OIT3: variants seen among roughly 807,000 people sequenced by gnomAD.
The protein encoded by OIT3 is oncoprotein-induced transcript 3 protein.
A neutral mutation model predicts 52.2 loss-of-function variants in OIT3; 41 were observed. The ratio of observed to expected loss-of-function variants is 0.79; its 90% CI spans 0.61 to 1.02. The LOEUF (loss-of-function observed/expected upper bound fraction) is 1.02. OIT3 is among the 50% of genes least tolerant of loss of function. OIT3 has a pLI of 0.00. For missense variants in OIT3, 634 were observed against 715.5 expected (o/e 0.89, Z 1.30); for synonymous variants, 244 against 276.9 (o/e 0.88, Z 1.18).
intron 3 of OIT3, among the ~76,000 whole-genome samples, chr10:72,905,893 A>G (rs901401639): frequency 6.6e-6 from 1 of 152,174 alleles, no homozygotes; most frequent in South Asian, 2.1e-4. Context: ...CTGTCATCGC[A>G]TGGGTGTTTA....
intron 3 of OIT3, among the ~76,000 whole-genome samples, chr10:72,906,065 C>T (rs1291306670): frequency 6.6e-6 from 1 of 152,132 alleles, no homozygotes; most frequent in Non-Finnish European, 1.5e-5. Flanking sequence ...TCATCAGATT[C>T]TTAAAAAGGT....
intron 7 of OIT3, among the ~76,000 whole-genome samples, chr10:72,928,395 C>T (rs1846187353): frequency 6.6e-6 from 1 of 152,158 alleles, no homozygotes; most frequent in Admixed American, 6.5e-5. Context: ...TCACAGCAAA[C>T]CCCAAATCAA....
At chr10:72,906,532 C>T (rs1187022822) in intron 3 of OIT3, 64 bp from the exon 4 acceptor site, 9 of 1,594,434 alleles carry the variant, frequency 5.6e-6, no homozygotes, top group Admixed American at 3.4e-5. Flanking sequence ...AAATTCTGCC[C>T]GGGGGGTTGG....
In OIT3 at chr10:72,913,381, C is replaced by T; in HGVS notation, c.864C>T (p.Phe288=). The T allele has an allele frequency of 6.2e-7, 1 of 1,613,808 alleles. No individual in the cohort carries two copies. Among genetic ancestry groups the T allele is most frequent in the Non-Finnish European group, 8.5e-7 (1 of 1,179,716 alleles). Residue 288 remains phenylalanine (F), a synonymous_variant, in exon 6 of 9, where the codon TTC becomes TTT. Coordinates refer to ENST00000334011, the MANE Select transcript of OIT3 (RefSeq NM_152635.3). ...PRELVGGLEL[F]LTNTSCRGVS... is the part of the protein sequence containing the mutation. Reference sequence around the variant, plus strand: ...AGCTGGTTGGTGGCCTGGAGCTCTTCCTGACCAACACCTCCTGCCGAGGAG... The same window carrying T: ...AGCTGGTTGGTGGCCTGGAGCTCTTTCTGACCAACACCTCCTGCCGAGGAG...
chr10:72,930,431 GCCT>G, intron 7 of OIT3, 104 bp from the exon 8 acceptor site: 2 of 817,746 alleles, frequency 2.4e-6, no homozygotes, highest in Non-Finnish European at 4.3e-6. Context: ...GTACAGTCCA[GCCT>G]CCTCCACCCC....
At chr10:72,913,970 C>T (rs758359844) in intron 6 of OIT3, among the ~76,000 whole-genome samples, 8 of 152,090 alleles carry the variant, frequency 5.3e-5, no homozygotes, top group Admixed American at 2.6e-4. Context: ...ATTGAGATGA[C>T]GACACAGAAA....
At chr10:72,909,206 A>G (rs561161355) in intron 4 of OIT3, among the ~76,000 whole-genome samples, 27 of 144,046 alleles carry the variant, frequency 1.9e-4, no homozygotes, top group African/African-American at 6.5e-4. Flanking sequence ...TGTAGCTTCC[A>G]CCTGCCTGGG....
intron 3 of OIT3, among the ~76,000 whole-genome samples, chr10:72,903,584 C>T (rs1196636563): frequency 6.6e-6 from 1 of 152,198 alleles, no homozygotes; most frequent in Non-Finnish European, 1.5e-5. Context: ...CATCCCACCC[C>T]ATCCTGCTTT....
intron 4 of OIT3, among the ~76,000 whole-genome samples, chr10:72,911,052 C>G (rs1397144286): frequency 3.3e-5 from 5 of 151,688 alleles, no homozygotes; most frequent in African/African-American, 1.2e-4. Context: ...AATATTTTTC[C>G]TTTTTGTCCA....
chr10:72,928,675 G>A (rs948765318), intron 7 of OIT3, among the ~76,000 whole-genome samples: 5 of 152,032 alleles, frequency 3.3e-5, no homozygotes, highest in Non-Finnish European at 5.9e-5. Context: ...CATAGATTAG[G>A]TATGCCATGG....
intron 5 of OIT3, among the ~76,000 whole-genome samples, chr10:72,912,265 T>G (rs114202064): frequency 4.7e-4 from 64 of 135,422 alleles, no homozygotes; most frequent in African/African-American, 2.3e-3. Context: ...ATCTAATTCT[T>G]TTTTTTCTTT....
intron 1 of OIT3, among the ~76,000 whole-genome samples, chr10:72,898,084 ACCAG>A (rs1384221306): frequency 6.7e-6 from 1 of 150,070 alleles, no homozygotes; most frequent in Non-Finnish European, 1.5e-5. Context: ...GGAGTTCAAA[ACCAG>A]CCTGGGCAAG....
intron 6 of OIT3, among the ~76,000 whole-genome samples, chr10:72,918,956 C>T (rs1018261752): frequency 4.6e-5 from 7 of 152,140 alleles, no homozygotes; most frequent in Non-Finnish European, 7.4e-5. Flanking sequence ...GCTATTCAGG[C>T]TCTTTTTTGA....
chr10:72,913,525 C>T (rs1486209775), intron 6 of OIT3, 57 bp downstream of exon 6: 9 of 1,396,888 alleles, frequency 6.4e-6, no homozygotes, highest in Admixed American at 1.7e-5. Flanking sequence ...ATTTGGGAGG[C>T]AGTGGACAGA....
Position 72,908,199 on chromosome 10 carries a change from C to T in OIT3, c.667+1481C>T, listed in dbSNP as rs749785933. On this transcript the variant is annotated intron_variant, in intron 4 of 8. Transcript: ENST00000334011. ...TGGAGGTTGCAGTGAGCCAAGATAG[C>T]GCCACTGCACTCCAGCCTGGTGACA... Among the ~76,000 whole-genome samples, 6 of 151,960 alleles carry T rather than the reference C, an allele frequency of 3.9e-5. 1 individual carries two copies. The South Asian group carries it at 6.2e-4, about 16-fold the overall frequency.
chr10:72,906,019 G>A (rs1427772091), intron 3 of OIT3, among the ~76,000 whole-genome samples: 1 of 152,140 alleles, frequency 6.6e-6, no homozygotes, highest in East Asian at 1.9e-4. Context: ...GACATTTGCT[G>A]CCAACTGTGC....
rs1845851317 is a variant in OIT3 at position 72,893,868 on chromosome 10, C to T, written c.61+9C>T. 1.2e-6 allele frequency: 2 copies of T among 1,605,218 alleles called. No individual in the cohort carries two copies. The highest frequency in any genetic ancestry group is 1.3e-5 in the African/African-American group (1 of 74,534). Reference sequence around the variant, plus strand: ...CTCCGTGTCACCCGTGGGTGAGTCTCATGTCAAGAACTTGGCACAATGCAC... The same window carrying T: ...CTCCGTGTCACCCGTGGGTGAGTCTTATGTCAAGAACTTGGCACAATGCAC... On this transcript the variant is annotated intron_variant, in intron 1 of 8. Transcript: ENST00000334011.
intron 3 of OIT3, among the ~76,000 whole-genome samples, chr10:72,901,809 C>T (rs150251647): frequency 1.1e-3 from 174 of 152,164 alleles, no homozygotes; most frequent in African/African-American, 4.1e-3. Context: ...TTTGAGAGGA[C>T]GAAGCAAGAG....
chr10:72,897,935 C>A (rs1305806129), intron 1 of OIT3, among the ~76,000 whole-genome samples: 1 of 151,336 alleles, frequency 6.6e-6, no homozygotes, highest in Non-Finnish European at 1.5e-5. Flanking sequence ...ATTTTTAGGA[C>A]CCCTTCTAAG....
Sources: allele counts gnomAD v4.1 joint callset (sites outside exome capture counted in the v4.1 genomes callset), GRCh38; gene constraint gnomAD v4.1.1; transcripts MANE v1.5; gene names NCBI Gene and HGNC (gene_info 2026-07-23, HGNC 2026-07-21).